The following PLD5 variants were observed in gnomAD, a reference collection of about 807,000 sequenced individuals.
The protein encoded by PLD5 is inactive phospholipase D5.
Under a neutral mutation model 61.1 loss-of-function variants are expected in PLD5, and 36 were observed. The ratio of observed to expected loss-of-function variants is 0.59; its 90% CI spans 0.45 to 0.78. PLD5 has a LOEUF of 0.78. Among genes scored for constraint, PLD5 ranks in the 30% least tolerant of loss-of-function variants. The probability of loss-of-function intolerance (pLI) is 0.00; values close to 1 mark genes in which losing one functional copy is unlikely to be tolerated. For missense variants in PLD5, 515 were observed against 644.4 expected (o/e 0.80, Z 2.17); for synonymous variants, 243 against 242.8 (o/e 1.00, Z -0.01).
upstream of PLD5, among the ~76,000 whole-genome samples, chr1:242,529,289 A>G (rs1173920575): frequency 2.7e-5 from 4 of 150,844 alleles, no homozygotes; most frequent in Admixed American, 6.6e-5. Context: ...ATGACAATGA[A>G]GGTTTTTTAA....
At chr1:242,151,099 C>G (rs1023501883) in intron 5 of PLD5, among the ~76,000 whole-genome samples, 6 of 151,860 alleles carry the variant, frequency 4.0e-5, no homozygotes, top group Admixed American at 3.9e-4. Flanking sequence ...TTCAATTCCT[C>G]CCTCCCATCC....
chr1:242,209,000 T>G (rs2148978087), intron 5 of PLD5: 1 of 152,324 alleles, frequency 6.6e-6, no homozygotes, highest in African/African-American at 2.4e-5. Flanking sequence ...AGGCTAATAG[T>G]TCATTTAAGA....
intron 5 of PLD5, among the ~76,000 whole-genome samples, chr1:242,197,009 C>G (rs1668676449): frequency 6.6e-6 from 1 of 152,130 alleles, no homozygotes; most frequent in Non-Finnish European, 1.5e-5. Flanking sequence ...AGTGACCCTC[C>G]CACCTCAGCC....
chr1:242,258,441 A>G (rs1673201113), intron 4 of PLD5, among the ~76,000 whole-genome samples: 2 of 152,188 alleles, frequency 1.3e-5, no homozygotes, highest in Non-Finnish European at 2.9e-5. Context: ...TGAATTTTCT[A>G]GTTTATTACT....
intron 4 of PLD5, among the ~76,000 whole-genome samples, chr1:242,239,200 C>A (rs948185414): frequency 1.3e-5 from 2 of 152,150 alleles, no homozygotes; most frequent in African/African-American, 2.4e-5. Flanking sequence ...CTGGCACATG[C>A]TGTAGAATCT....
intron 5 of PLD5, among the ~76,000 whole-genome samples, chr1:242,134,869 A>G (rs183410077): frequency 6.6e-6 from 1 of 152,182 alleles, no homozygotes; most frequent in African/African-American, 2.4e-5. Flanking sequence ...TTCCAGAAAC[A>G]TTGCAGAATG....
chr1:242,370,102 T>A (rs1661551617), intron 1 of PLD5, among the ~76,000 whole-genome samples: 1 of 152,202 alleles, frequency 6.6e-6, no homozygotes, highest in Middle Eastern at 3.4e-3. Context: ...AAAGAGCCAT[T>A]AAGTTTGCAA....
intron 1 of PLD5, among the ~76,000 whole-genome samples, chr1:242,432,134 T>A (rs911653846): frequency 7.2e-5 from 11 of 152,166 alleles, no homozygotes; most frequent in Non-Finnish European, 2.9e-5. Context: ...ACTGATAAAG[T>A]TTTACTGGGC....
intron 5 of PLD5, among the ~76,000 whole-genome samples, chr1:242,169,569 A>C (rs1666587447): frequency 6.6e-6 from 1 of 152,176 alleles, no homozygotes; most frequent in Non-Finnish European, 1.5e-5. Context: ...CTGGAATGCC[A>C]GCGAGACAGA....
At chr1:242,394,563 C>T (rs111206207) in intron 1 of PLD5, among the ~76,000 whole-genome samples, 6 of 5,276 alleles carry the variant, frequency 1.1e-3, no homozygotes, top group Non-Finnish European at 1.4e-3. Flanking sequence ...TATATGTGAA[C>T]ATATATATGT....
At chr1:242,166,463 T>C (rs1439827158) in intron 5 of PLD5, among the ~76,000 whole-genome samples, 2 of 151,980 alleles carry the variant, frequency 1.3e-5, no homozygotes, top group South Asian at 2.1e-4. Flanking sequence ...CCCATGTTCA[T>C]GCACATGTGT....
intron 4 of PLD5, among the ~76,000 whole-genome samples, chr1:242,230,001 G>A (rs1290826748): frequency 6.6e-6 from 1 of 152,078 alleles, no homozygotes. Context: ...AGCAATGCCT[G>A]GAGACATTTC....
At chr1:242,240,792 G>A (rs1360518907) in intron 4 of PLD5, among the ~76,000 whole-genome samples, 1 of 152,166 alleles carries the variant, frequency 6.6e-6, no homozygotes, top group African/African-American at 2.4e-5. Context: ...AGTCGTATGT[G>A]ACAAAGGAAG....
At chr1:242,246,971 ATTCTTTTTTTTTTTTTTTT>A (rs763704015) in intron 4 of PLD5, among the ~76,000 whole-genome samples, 24,711 of 127,642 alleles carry the variant, frequency 0.19, 2,350 homozygotes, top group Non-Finnish European at 0.25. Flanking sequence ...GGTTTTAGGG[ATTCTTTTTTTTTTTTTTTT>A]TTTTTTTTTT....
intron 1 of PLD5, among the ~76,000 whole-genome samples, chr1:242,421,592 G>C (rs541517333): frequency 6.6e-6 from 1 of 152,306 alleles, no homozygotes; most frequent in East Asian, 1.9e-4. Context: ...GAAGAAATGT[G>C]AATAGTCATA....
At chr1:242,098,373 C>T (rs1011736017) in intron 9 of PLD5, among the ~76,000 whole-genome samples, 2 of 152,200 alleles carry the variant, frequency 1.3e-5, no homozygotes, top group African/African-American at 2.4e-5. Flanking sequence ...CTTGTGCATT[C>T]GTCACGTAGT....
At chr1:242,168,845 A>AATTTTTTT (rs1574439363) in intron 5 of PLD5, among the ~76,000 whole-genome samples, 1 of 29,248 alleles carries the variant, frequency 3.4e-5, no homozygotes, top group Non-Finnish European at 5.4e-5. Flanking sequence ...TAATTAATGA[A>AATTTTTTT]GTTTTTTTTT....
At chr1:242,276,429 C>CATTTGTATATATAA (rs1674414617) in intron 3 of PLD5, among the ~76,000 whole-genome samples, 2 of 36,270 alleles carry the variant, frequency 5.5e-5, no homozygotes, top group Non-Finnish European at 1.6e-4. Context: ...TGTATATATA[C>CATTTGTATATATAA]ACAAATTATA....
rs116249694 is a variant in PLD5, at chr1:242,426,273, T to C, written c.190-78031A>G. 3.8e-3 allele frequency among the ~76,000 whole-genome samples: 474 copies of C among 126,196 alleles called. 2 individuals are homozygous for C. Among genetic ancestry groups the C allele is most frequent in the African/African-American group, 0.014 (453 of 31,666 alleles). 82.8% of individuals were successfully genotyped at this position (126,196 alleles called of 152,430 possible). A position where few individuals can be genotyped will look rare whatever the true frequency, so the allele number is the denominator to read the frequency against. ...GATATAACAATGACTTCTTCTGAAA[T>C]ACCTCCTGGAGGACCTGCCTGAGAC... is the stretch of plus-strand genomic sequence containing the variant. On this transcript the variant is annotated intron_variant, in intron 1 of 9. Coordinates refer to ENST00000536534, the MANE Select transcript of PLD5 (RefSeq NM_001372062.1).
Sources: gnomAD v4.1 joint callset for allele counts (sites outside exome capture counted in the v4.1 genomes callset) on GRCh38, gnomAD v4.1.1 for gene constraint, MANE v1.5 for transcripts, NCBI Gene and HGNC (gene_info 2026-07-23, HGNC 2026-07-21) for gene names.